The following NTM variants were observed in gnomAD, a reference collection of about 807,000 sequenced individuals.
The protein encoded by NTM is neurotrimin.
NTM carries 13 observed loss-of-function variants against 42.1 expected under a neutral mutation model. The observed-to-expected ratio is 0.31, with a 90% confidence interval of 0.20 to 0.49. The LOEUF (loss-of-function observed/expected upper bound fraction) is 0.49, where lower values mean the gene tolerates loss of function less well. Ranked by LOEUF, NTM falls within the 20% of genes least tolerant of loss-of-function variation. The pLI is 0.99. For synonymous variants in NTM, 187 were observed against 179.2 expected (o/e 1.04, Z -0.35); for missense variants, 373 against 452.8 (o/e 0.82, Z 1.60).
At chr11:131,837,743 A>T (rs1427184079) in intron 1 of NTM, among the ~76,000 whole-genome samples, 1 of 151,738 alleles carries the variant, frequency 6.6e-6, no homozygotes, top group Non-Finnish European at 1.5e-5. Flanking sequence ...GAGACCTGTC[A>T]TTGCTGCCTG....
chr11:131,883,830 AGGGCAGCATCATAT>A (rs1192099651), intron 1 of NTM, among the ~76,000 whole-genome samples: 4 of 152,278 alleles, frequency 2.6e-5, no homozygotes, highest in Admixed American at 2.6e-4. Context: ...AAAAGTAGAA[AGGGCAGCATCATAT>A]CTTTGTACGT....
intron 1 of NTM, among the ~76,000 whole-genome samples, chr11:131,662,872 G>A (rs2068331200): frequency 6.6e-6 from 1 of 152,070 alleles, no homozygotes; most frequent in Non-Finnish European, 1.5e-5. Flanking sequence ...CAGTCCCTCA[G>A]AATTTCCCAT....
intron 1 of NTM, among the ~76,000 whole-genome samples, chr11:131,550,981 T>C (rs1273066742): frequency 6.6e-6 from 1 of 152,212 alleles, no homozygotes; most frequent in Non-Finnish European, 1.5e-5. Context: ...GCAGACCCGC[T>C]GACTCTCCAC....
At chr11:132,192,534 A>G (rs2079478149) in intron 3 of NTM, among the ~76,000 whole-genome samples, 1 of 152,226 alleles carries the variant, frequency 6.6e-6, no homozygotes, top group Non-Finnish European at 1.5e-5. Flanking sequence ...TGGAAAAGAA[A>G]GAATAGTACC....
At chr11:131,989,217 A>T (rs1463300496) in intron 2 of NTM, among the ~76,000 whole-genome samples, 1 of 152,180 alleles carries the variant, frequency 6.6e-6, no homozygotes, top group Admixed American at 6.6e-5. Context: ...TGTCTTCCAA[A>T]AAGTAGCTGC....
intron 1 of NTM, among the ~76,000 whole-genome samples, chr11:131,411,771 C>G (rs943652932): frequency 6.6e-6 from 1 of 152,124 alleles, no homozygotes; most frequent in Non-Finnish European, 1.5e-5. Context: ...TTGCAGAGCA[C>G]AAAGAGCATT....
intron 1 of NTM, among the ~76,000 whole-genome samples, chr11:131,581,053 GT>G (rs2058362812): frequency 6.6e-6 from 1 of 152,172 alleles, no homozygotes; most frequent in Admixed American, 6.5e-5. Flanking sequence ...AGGGTGTGGG[GT>G]ATGGGGTTTG....
intron 4 of NTM, among the ~76,000 whole-genome samples, chr11:132,214,340 A>G (rs2138717772): frequency 6.6e-6 from 1 of 152,156 alleles, no homozygotes; most frequent in Non-Finnish European, 1.5e-5. Context: ...ATTTATCATC[A>G]GGGTAAGCTT....
At chr11:131,959,764 A>G (rs2061942360) in intron 2 of NTM, among the ~76,000 whole-genome samples, 2 of 152,208 alleles carry the variant, frequency 1.3e-5, no homozygotes, top group Admixed American at 1.3e-4. Flanking sequence ...AGCTACTATC[A>G]ACAGGGTTTT....
intron 1 of NTM, among the ~76,000 whole-genome samples, chr11:131,724,193 G>A (rs757877660): frequency 6.6e-6 from 1 of 152,166 alleles, no homozygotes; most frequent in Non-Finnish European, 1.5e-5. Context: ...TGAGCCAGCT[G>A]CAGGGTGGCC....
At chr11:131,568,364 A>T (rs1039241696) in intron 1 of NTM, among the ~76,000 whole-genome samples, 4 of 152,196 alleles carry the variant, frequency 2.6e-5, no homozygotes, top group Non-Finnish European at 5.9e-5. Flanking sequence ...CCTTCACTTG[A>T]TATGGTATTG....
At chr11:131,911,693 TC>T in intron 2 of NTM, 45 bp downstream of exon 2, 1 of 1,611,058 alleles carries the variant, frequency 6.2e-7, no homozygotes, top group Non-Finnish European at 8.5e-7. Context: ...TTGTATGGGG[TC>T]GGGGTAAGGG....
At chr11:131,767,836 T>A (rs1381127359) in intron 1 of NTM, among the ~76,000 whole-genome samples, 1 of 152,156 alleles carries the variant, frequency 6.6e-6, no homozygotes, top group Non-Finnish European at 1.5e-5. Context: ...AAAGGCTTTA[T>A]TCATGAGACA....
At chr11:131,679,576 C>A (rs1256631315) in intron 1 of NTM, among the ~76,000 whole-genome samples, 1 of 151,840 alleles carries the variant, frequency 6.6e-6, no homozygotes, top group African/African-American at 2.4e-5. Context: ...AGGAGCTGAT[C>A]GCTGTGCCTC....
rs1565552785 is a variant in NTM at position 131,789,619 on chromosome 11, GA to G, written c.83-121943del. The stretch of plus-strand genomic sequence containing the variant: ...AGAAGAAGAAGAAGAAGAAGAAGAA[GA>G]AGAAGAAGAAGAAGAAAAGAAGAAG... On this transcript the variant is annotated intron_variant, in intron 1 of 8. Coordinates refer to ENST00000683400, the MANE Select transcript of NTM (RefSeq NM_001352005.2). Among the ~76,000 whole-genome samples the G allele has an allele frequency of 9.4e-5, 8 of 85,326 alleles. 1 individual carries two copies. The highest frequency in any genetic ancestry group is 3.2e-4 in the African/African-American group (6 of 18,846). The allele number at this position is 85,326 out of a possible 152,430, so 56.0% of individuals were successfully genotyped here. A position where few individuals can be genotyped will look rare whatever the true frequency, so the allele number is the denominator to read the frequency against.
intron 2 of NTM, among the ~76,000 whole-genome samples, chr11:131,976,167 C>CCTTCCTTT (rs2064351911): frequency 6.1e-5 from 6 of 97,984 alleles, no homozygotes; most frequent in Admixed American, 3.6e-4. Context: ...TTTCTTCCTT[C>CCTTCCTTT]CTTCCTTTCT....
At chr11:131,891,182 C>A (rs1022524610) in intron 1 of NTM, among the ~76,000 whole-genome samples, 1 of 152,078 alleles carries the variant, frequency 6.6e-6, no homozygotes, top group African/African-American at 2.4e-5. Flanking sequence ...TGTTGACACC[C>A]AACTATATCA....
chr11:132,106,293 C>G (rs1321823419), intron 2 of NTM, among the ~76,000 whole-genome samples: 1 of 152,176 alleles, frequency 6.6e-6, no homozygotes, highest in Non-Finnish European at 1.5e-5. Context: ...CTTTCCTTTG[C>G]CTTTTGTATG....
chr11:131,376,542 A>T (rs1941997472), intron 1 of NTM, among the ~76,000 whole-genome samples: 2 of 152,228 alleles, frequency 1.3e-5, no homozygotes, highest in African/African-American at 2.4e-5. Context: ...ACAAACCAAC[A>T]AAGATTCACA....
Sources: allele counts gnomAD v4.1 joint callset (sites outside exome capture counted in the v4.1 genomes callset), GRCh38; gene constraint gnomAD v4.1.1; transcripts MANE v1.5; gene names NCBI Gene and HGNC (gene_info 2026-07-23, HGNC 2026-07-21).